The following MYH11 variants were observed in gnomAD, a reference collection of about 807,000 sequenced individuals.
MYH11 encodes myosin-11.
In MYH11, 80 loss-of-function variants were observed where a neutral mutation model predicts 246.6. That is an observed-to-expected ratio of 0.32 (90% CI 0.27 to 0.39). The LOEUF (loss-of-function observed/expected upper bound fraction) is 0.39. MYH11 is among the 10% of genes least tolerant of loss of function. MYH11 has a pLI of 1.00. For synonymous variants in MYH11, 1,071 were observed against 1,015.5 expected (o/e 1.05, Z -1.04); for missense variants, 2,158 against 2,546.8 (o/e 0.85, Z 3.29).
At chr16:15,811,324 TCA>T (rs1479678163) in intron 3 of MYH11, among the ~76,000 whole-genome samples, 1 of 152,192 alleles carries the variant, frequency 6.6e-6, no homozygotes, top group Non-Finnish European at 1.5e-5. Context: ...TCTGGGGGCC[TCA>T]GTTTCCTCTT....
At chr16:15,856,352 C>A (rs1195307273) in intron 1 of MYH11, among the ~76,000 whole-genome samples, 40 of 128,566 alleles carry the variant, frequency 3.1e-4, no homozygotes, top group East Asian at 6.0e-4. Flanking sequence ...AAAACAACAA[C>A]ACTCCTTTCT....
chr16:15,764,479 A>G (rs1000360748), intron 9 of MYH11, among the ~76,000 whole-genome samples: 2 of 151,838 alleles, frequency 1.3e-5, no homozygotes, highest in Non-Finnish European at 2.9e-5. Context: ...CCTGTCTCTA[A>G]AACAAAAAAA....
chr16:15,803,800 G>A (rs1408408159), intron 3 of MYH11, among the ~76,000 whole-genome samples: 2 of 152,314 alleles, frequency 1.3e-5, no homozygotes, highest in Non-Finnish European at 2.9e-5. Flanking sequence ...GGGCCCCCAG[G>A]AGAGGGAGCG....
At chr16:15,847,077 C>A (rs1464421001) in intron 1 of MYH11, among the ~76,000 whole-genome samples, 1 of 152,024 alleles carries the variant, frequency 6.6e-6, no homozygotes, top group African/African-American at 2.4e-5. Context: ...TGGTAAAATA[C>A]AGCTAACATT....
At chr16:15,757,011 G>T (rs896402429) in intron 13 of MYH11, among the ~76,000 whole-genome samples, 33 of 150,534 alleles carry the variant, frequency 2.2e-4, no homozygotes, top group Non-Finnish European at 1.5e-4. Flanking sequence ...TGTTAGCCAG[G>T]ATGGTCTCCA....
Position 15,750,350 on chromosome 16 carries a change from G to A in MYH11, c.1865-19C>T, listed in dbSNP as rs753183620. Reference sequence around the variant, plus strand: ...CGGTCCACTATGGGGCACAGCCAGGGTGGCATCAGCCTCTGGCCCACCCAC... The same window carrying A: ...CGGTCCACTATGGGGCACAGCCAGGATGGCATCAGCCTCTGGCCCACCCAC... On this transcript the variant is annotated intron_variant, in intron 15 of 40. Coordinates refer to ENST00000300036, the MANE Select transcript of MYH11 (RefSeq NM_002474.3). This position sits in a 1 kb window ranked among gnomAD's most constrained non-coding sequence, Gnocchi z 4.3. 6.3e-7 allele frequency: 1 copy of A among 1,576,404 alleles called. No homozygotes were observed. The highest frequency in any genetic ancestry group is 8.6e-7 in the Non-Finnish European group (1 of 1,163,616).
chr16:15,755,190 T>C (rs544839175), intron 14 of MYH11, among the ~76,000 whole-genome samples: 6 of 152,328 alleles, frequency 3.9e-5, no homozygotes, highest in African/African-American at 1.2e-4. Flanking sequence ...GAGGAGTCAA[T>C]AGAATACTAC....
chr16:15,728,504 C>CA (rs951713769), intron 27 of MYH11, among the ~76,000 whole-genome samples: 1 of 152,162 alleles, frequency 6.6e-6, no homozygotes, highest in African/African-American at 2.4e-5. Context: ...CCGTCCTTCA[C>CA]AGGTGTCGTG....
At chr16:15,781,536 CTAAAA>C (rs2042353687) in intron 6 of MYH11, among the ~76,000 whole-genome samples, 1 of 152,190 alleles carries the variant, frequency 6.6e-6, no homozygotes. Flanking sequence ...TCTTTTCTCA[CTAAAA>C]TATCTTTCTG....
At chr16:15,722,289 T>C (rs2384933) in intron 31 of MYH11, among the ~76,000 whole-genome samples, 113,087 of 152,128 alleles carry the variant, frequency 0.74, 42,740 homozygotes, top group African/African-American at 0.9. Flanking sequence ...ATTAATATCT[T>C]ACAAAAGTAT....
chr16:15,732,728 T>C lies in MYH11; in HGVS notation c.3507-20A>G. On this transcript the variant is annotated intron_variant, in intron 26 of 40. Transcript: ENST00000300036. ...TTGGCCCTTGGTGGGAGGAACACAG[T>C]GAATGGCAGTTGGGTGGAGACAGAG... 1 of 1,614,052 alleles carries C rather than the reference T, an allele frequency of 6.2e-7. No individual in the cohort carries two copies. The highest frequency in any genetic ancestry group is 8.5e-7 in the Non-Finnish European group (1 of 1,180,010).
At chr16:15,796,618 C>T (rs1273718791) in intron 4 of MYH11, among the ~76,000 whole-genome samples, 1 of 152,152 alleles carries the variant, frequency 6.6e-6, no homozygotes, top group Non-Finnish European at 1.5e-5. Flanking sequence ...AAAACAGCCC[C>T]CACAAGAATG....
Position 15,703,332 on chromosome 16 carries a change from G to C in MYH11, c.*659C>G, listed in dbSNP as rs1384880951. On this transcript the variant is annotated 3_prime_UTR_variant, in exon 41 of 41. Transcript: ENST00000300036. ...GAAAGAATTCTCAAAGGCCTGACGT[G>C]AGAAGTTGGAAAGGTTTGCAGGTTA... 7 of 232,008 alleles carry C rather than the reference G, an allele frequency of 3.0e-5. No individual in the cohort carries two copies. Among genetic ancestry groups the C allele is most frequent in the Non-Finnish European group, 6.0e-5 (7 of 116,776 alleles). 14.4% of individuals were successfully genotyped at this position (232,008 alleles called of 1,614,324 possible).
chr16:15,758,040 T>C (rs1213328677), intron 12 of MYH11, 40 bp from the exon 13 acceptor site: 2 of 1,612,150 alleles, frequency 1.2e-6, no homozygotes, highest in Non-Finnish European at 1.7e-6. Flanking sequence ...AGCATCTTGG[T>C]ATGAAGTCAG....
Position 15,703,698 on chromosome 16 carries a change from C to A in MYH11, c.*293G>T, listed in dbSNP as rs2039304344. 2.2e-6 allele frequency: 1 copy of A among 460,712 alleles called. No individual in the cohort carries two copies. Among genetic ancestry groups the A allele is most frequent in the Non-Finnish European group, 4.0e-6 (1 of 248,712 alleles). 28.5% of individuals were successfully genotyped at this position (460,712 alleles called of 1,614,324 possible). Reference sequence around the variant, plus strand: ...CGAAGTCCTGGGCTGGAGCGTTCTTCCTGGCTCAGCCTCCCTAGTAGCTGG... The same window carrying A: ...CGAAGTCCTGGGCTGGAGCGTTCTTACTGGCTCAGCCTCCCTAGTAGCTGG... On this transcript the variant is annotated 3_prime_UTR_variant, in exon 41 of 41. Coordinates refer to ENST00000300036, the MANE Select transcript of MYH11 (RefSeq NM_002474.3).
chr16:15,745,462 C>T (rs1222709671), intron 19 of MYH11, among the ~76,000 whole-genome samples: 1 of 152,136 alleles, frequency 6.6e-6, no homozygotes, highest in Non-Finnish European at 1.5e-5. Context: ...CCAGGGCTCA[C>T]AACATGCCCT....
chr16:15,729,844 C>A (rs2040908613), intron 27 of MYH11, among the ~76,000 whole-genome samples: 1 of 152,050 alleles, frequency 6.6e-6, no homozygotes. Flanking sequence ...AGCCACTGCA[C>A]CCAGCCTAAT....
At chr16:15,753,892 C>G (rs1013768957) in intron 14 of MYH11, among the ~76,000 whole-genome samples, 5 of 152,040 alleles carry the variant, frequency 3.3e-5, no homozygotes, top group African/African-American at 1.2e-4. Flanking sequence ...CATCATCTTC[C>G]CAATCATCCT....
At chr16:15,727,799 C>G (rs529268518) in intron 27 of MYH11, among the ~76,000 whole-genome samples, 1 of 151,822 alleles carries the variant, frequency 6.6e-6, no homozygotes, top group African/African-American at 2.4e-5. Context: ...GTAGTGAGAC[C>G]CCCATCTCTA....
Sources: allele counts gnomAD v4.1 joint callset (sites outside exome capture counted in the v4.1 genomes callset), GRCh38; gene constraint gnomAD v4.1.1; non-coding constraint Gnocchi (gnomAD v3.1); transcripts MANE v1.5; gene names NCBI Gene and HGNC (gene_info 2026-07-23, HGNC 2026-07-21).